SEMA5A: variants seen among roughly 807,000 people sequenced by gnomAD.
SEMA5A encodes semaphorin 5A, also known as semaphorin-5A.
A neutral mutation model predicts 135.5 loss-of-function variants in SEMA5A; 55 were observed. The ratio of observed to expected loss-of-function variants is 0.41; its 90% confidence interval spans 0.33 to 0.51. The LOEUF is 0.51. Among genes scored for constraint, SEMA5A ranks in the 20% least tolerant of loss-of-function variants. The pLI, the probability that SEMA5A is intolerant of heterozygous loss-of-function variation, is 0.37. For synonymous variants in SEMA5A, 580 were observed against 546.5 expected, an observed-to-expected ratio of 1.06 and a Z score of -0.85; for missense variants, 1,290 against 1,419.9, an observed-to-expected ratio of 0.91 and a Z score of 1.47.
At chr5:9,107,167 C>T (rs1412383498) in intron 16 of SEMA5A, among the ~76,000 whole-genome samples, 1 of 152,206 alleles carries the variant, frequency 6.6e-6, no homozygotes, top group Non-Finnish European at 1.5e-5. Context: ...TCGTGCTGAG[C>T]TTCTCCATCA....
At chr5:9,476,049 C>T (rs180970656) in intron 1 of SEMA5A, among the ~76,000 whole-genome samples, 122 of 152,334 alleles carry the variant, frequency 8.0e-4, no homozygotes, top group Admixed American at 2.3e-3. Context: ...CACCTTTCTT[C>T]ATTCACCCTT....
intron 5 of SEMA5A, among the ~76,000 whole-genome samples, chr5:9,240,356 A>C (rs1411275633): frequency 6.6e-6 from 1 of 152,034 alleles, no homozygotes; most frequent in African/African-American, 2.4e-5. Context: ...TTTTATATTA[A>C]GAATGGAACT....
chr5:9,367,183 G>A lies in SEMA5A; in HGVS notation c.124+12640C>T, dbSNP rs146505010. ...AATTAAAATTAAATACAATTAAAACGTATTACTTTAGAAGTAACATTTCAA... is the reference window on the plus strand; with the variant it reads ...AATTAAAATTAAATACAATTAAAACATATTACTTTAGAAGTAACATTTCAA... On this transcript the variant is annotated intron_variant, in intron 3 of 22. Coordinates refer to ENST00000382496, the MANE Select transcript of SEMA5A (RefSeq NM_003966.3). Among the ~76,000 whole-genome samples the A allele has an allele frequency of 2.4e-3, 369 of 152,240 alleles. 2 individuals carry two copies. The highest frequency in any genetic ancestry group is 6.6e-3 in the African/African-American group (276 of 41,560).
intron 5 of SEMA5A, among the ~76,000 whole-genome samples, chr5:9,283,464 T>C (rs1307192795): frequency 6.6e-6 from 1 of 152,196 alleles, no homozygotes; most frequent in Non-Finnish European, 1.5e-5. Flanking sequence ...GCACCTGCTG[T>C]GGCCCTTTTA....
intron 1 of SEMA5A, among the ~76,000 whole-genome samples, chr5:9,498,945 T>C (rs1307987068): frequency 1.3e-5 from 2 of 152,226 alleles, no homozygotes; most frequent in Non-Finnish European, 2.9e-5. Flanking sequence ...ATCAAACAGA[T>C]ATATTAGTTA....
intron 1 of SEMA5A, among the ~76,000 whole-genome samples, chr5:9,497,520 C>T (rs575766876): frequency 2.0e-5 from 3 of 152,132 alleles, no homozygotes; most frequent in Non-Finnish European, 4.4e-5. Flanking sequence ...GACTTGACGT[C>T]GAGTGGCACG....
At chr5:9,156,558 G>T (rs1244941720) in intron 11 of SEMA5A, among the ~76,000 whole-genome samples, 1 of 152,190 alleles carries the variant, frequency 6.6e-6, no homozygotes, top group Non-Finnish European at 1.5e-5. Flanking sequence ...AGGGAGGCAG[G>T]GGAAGCAAGG....
intron 15 of SEMA5A, among the ~76,000 whole-genome samples, chr5:9,114,078 C>A (rs566532372): frequency 6.6e-6 from 1 of 152,198 alleles, no homozygotes; most frequent in Non-Finnish European, 1.5e-5. Context: ...AATGGATAAA[C>A]AAAATGTGGT....
At chr5:9,195,004 A>G (rs1042727043) in intron 10 of SEMA5A, among the ~76,000 whole-genome samples, 2 of 152,214 alleles carry the variant, frequency 1.3e-5, no homozygotes, top group Non-Finnish European at 2.9e-5. Context: ...TGCAATAAAA[A>G]CATCACTGTA....
intron 4 of SEMA5A, among the ~76,000 whole-genome samples, chr5:9,327,062 A>T (rs1312427712): frequency 1.3e-5 from 2 of 152,154 alleles, no homozygotes; most frequent in Non-Finnish European, 2.9e-5. Context: ...TGTCTGCTTC[A>T]TGTATTTTTT....
chr5:9,080,711 A>C (rs1738332166), intron 16 of SEMA5A, among the ~76,000 whole-genome samples: 1 of 152,114 alleles, frequency 6.6e-6, no homozygotes, highest in Non-Finnish European at 1.5e-5. Flanking sequence ...GTGTGTCCTC[A>C]GGGTCCACAG....
intron 4 of SEMA5A, among the ~76,000 whole-genome samples, chr5:9,321,503 A>G (rs1453845736): frequency 1.3e-5 from 2 of 152,196 alleles, no homozygotes; most frequent in Non-Finnish European, 2.9e-5. Context: ...CTGCCTCTAT[A>G]CAATCTCAGG....
chr5:9,053,305 G>A (rs1016004674), intron 19 of SEMA5A, among the ~76,000 whole-genome samples: 16 of 152,254 alleles, frequency 1.1e-4, no homozygotes, highest in East Asian at 3.9e-4. Flanking sequence ...ACTTCACAGC[G>A]GTGCTCCCTG....
chr5:9,257,594 C>T (rs1805946), intron 5 of SEMA5A, among the ~76,000 whole-genome samples: 54,525 of 151,428 alleles, frequency 0.36, 10,414 homozygotes, highest in East Asian at 0.47. Context: ...TTCTATTTTG[C>T]TCTAAAAAAA....
chr5:9,421,547 G>T (rs1040455114), intron 2 of SEMA5A, among the ~76,000 whole-genome samples: 2 of 152,026 alleles, frequency 1.3e-5, no homozygotes, highest in Non-Finnish European at 2.9e-5. Context: ...ATATTCCCAG[G>T]GGTTGTAATA....
At chr5:9,380,272 G>A (rs1303886136) in intron 2 of SEMA5A, 1 of 240,182 alleles carries the variant, frequency 4.2e-6, no homozygotes, top group African/African-American at 2.2e-5. Context: ...TAGCCCATTT[G>A]TTTTAAACGA....
intron 1 of SEMA5A, among the ~76,000 whole-genome samples, chr5:9,489,153 T>TC (rs1734876050): frequency 6.6e-6 from 1 of 152,130 alleles, no homozygotes; most frequent in South Asian, 2.1e-4. Context: ...CCAAAAAGCA[T>TC]CCTTCAGCAG....
At chr5:9,356,974 G>A (rs1237601003) in intron 3 of SEMA5A, among the ~76,000 whole-genome samples, 1 of 152,110 alleles carries the variant, frequency 6.6e-6, no homozygotes, top group Non-Finnish European at 1.5e-5. Context: ...AGCCCCGAAC[G>A]ATGAGGAATT....
intron 5 of SEMA5A, among the ~76,000 whole-genome samples, chr5:9,270,178 C>G (rs1749897527): frequency 6.6e-6 from 1 of 152,094 alleles, no homozygotes; most frequent in Non-Finnish European, 1.5e-5. Context: ...CTCTGGTAGA[C>G]AACACTCTCC....
Sources: allele counts gnomAD v4.1 joint callset (sites outside exome capture counted in the v4.1 genomes callset), GRCh38; gene constraint gnomAD v4.1.1; transcripts MANE v1.5; gene names NCBI Gene and HGNC (gene_info 2026-07-23, HGNC 2026-07-21).